MUC6: variants seen among roughly 807,000 people sequenced by gnomAD.
The protein encoded by MUC6 is mucin-6.
Under a neutral mutation model 201.5 loss-of-function variants are expected in MUC6, and 188 were observed. The observed-to-expected ratio is 0.93, with a 90% CI of 0.83 to 1.05. The LOEUF (loss-of-function observed/expected upper bound fraction) is 1.05, where lower values mean the gene tolerates loss of function less well. Ranked by LOEUF, MUC6 falls within the 50% of genes least tolerant of loss-of-function variation. The pLI is 0.00. For missense variants in MUC6, 2,706 were observed against 3,256.9 expected (o/e 0.83, Z 4.12); for synonymous variants, 1,228 against 1,389.4 (o/e 0.88, Z 2.58).
At position 1,029,621 on chromosome 11, in the gene MUC6, G is replaced by A. The variant is rs545048596; in HGVS notation, c.1016-6C>T. On this transcript the variant is annotated splice_region_variant and splice_polypyrimidine_tract_variant and intron_variant, in intron 8 of 32. Transcript: ENST00000421673. ...GAGGTCATTCAGGACCGTACCTGCA[G>A]GAGAGGGTCTTCTTGGGGCTTGGGT... 1.8e-5 allele frequency: 29 copies of A among 1,569,868 alleles called. No individual in the cohort carries two copies. Among genetic ancestry groups the A allele is most frequent in the Middle Eastern group, 1.7e-4 (1 of 5,808 alleles).
In MUC6 at chr11:1,027,784, T is replaced by C; in HGVS notation, c.1882A>G (p.Thr628Ala). The C allele has an allele frequency of 6.2e-7, 1 of 1,611,068 alleles. No individual in the cohort carries two copies. Among genetic ancestry groups the C allele is most frequent in the Non-Finnish European group, 8.5e-7 (1 of 1,179,402 alleles). Residue 628 changes from threonine (T) to alanine (A), a missense_variant, in exon 16 of 33, where the codon ACC becomes GCC. Coordinates refer to ENST00000421673, the MANE Select transcript of MUC6 (RefSeq NM_005961.3). ...AGGGCGGCACAGATGTGGGGAAAGG[T>C]CTCCTCGTAGTTGCAGGCCTGGTAC... ...CVYQACNYEE[T>A]FPHICAALGD...
At chr11:1,031,554 C>G (rs1461237468) in intron 4 of MUC6, 53 bp downstream of exon 4, 4 of 1,532,328 alleles carry the variant, frequency 2.6e-6, no homozygotes, top group East Asian at 4.9e-5. Context: ...CAAGTCCCAC[C>G]TGCCCCCCCG....
intron 5 of MUC6, 49 bp downstream of exon 5, chr11:1,031,120 C>T: frequency 6.7e-6 from 4 of 601,342 alleles, no homozygotes; most frequent in Non-Finnish European, 1.0e-5. Flanking sequence ...CTGCCCTGCC[C>T]CCCACCTAGA....
chr11:1,019,303 T>G lies in MUC6; in HGVS notation c.4002A>C (p.Pro1334=). 1 of 1,614,020 alleles carries G rather than the reference T, an allele frequency of 6.2e-7. No homozygotes were observed. Among genetic ancestry groups the G allele is most frequent in the East Asian group, 2.2e-5 (1 of 44,884 alleles). The change falls in exon 30 of 33, where the codon CCA becomes CCC. Residue 1334 remains proline (P), a synonymous_variant. Transcript: ENST00000421673. ...TTRTTMTLPT[P]ATSGTSPTLP... is the part of the protein sequence containing the mutation. ...GCGTGGGGCTTGTCCCTGATGTGGCTGGGGTTGGTAGTGTCATTGTGGTCC... is the reference window on the plus strand; with the variant it reads ...GCGTGGGGCTTGTCCCTGATGTGGCGGGGGTTGGTAGTGTCATTGTGGTCC...
At chr11:1,015,178 T>C (rs2133811043) in intron 31 of MUC6, among the ~76,000 whole-genome samples, 1 of 151,874 alleles carries the variant, frequency 6.6e-6, no homozygotes, top group South Asian at 2.1e-4. Context: ...AGGCATCCCA[T>C]GGCCTGGGGA....
Position 1,027,464 on chromosome 11 carries a change from G to A in MUC6, c.2035C>T (p.Arg679Cys), listed in dbSNP as rs1233947314. The part of the protein sequence containing the change: ...TFSYNSQACE[R>C]TCLSLSDRAT... The stretch of plus-strand genomic sequence containing the variant: ...CGGTCCGACAGCGACAGGCAGGTGC[G>A]CTCACAGGCTTGGCTGTTGTAGCTG... The change falls in exon 17 of 33, where the codon CGC (arginine) becomes TGC (cysteine). Residue 679 changes from arginine to cysteine, a missense_variant. Physicochemically the swap from Arg to Cys is radical, Grantham distance 180. This residue lies in a region of MUC6 where 1,850 missense variants were observed against 1,958.3 expected (regional missense o/e 0.94). Coordinates refer to ENST00000421673, the MANE Select transcript of MUC6 (RefSeq NM_005961.3). 8 of 1,612,596 alleles carry A rather than the reference G, an allele frequency of 5.0e-6. No homozygotes were observed. Among genetic ancestry groups the A allele is most frequent in the Middle Eastern group, 1.6e-4 (1 of 6,082 alleles).
chr11:1,020,054 C>G (rs1169978234), intron 29 of MUC6, 36 bp downstream of exon 29: 1 of 1,607,298 alleles, frequency 6.2e-7, no homozygotes, highest in South Asian at 1.1e-5. Context: ...CCTCCTGCAG[C>G]TGCCCTCTCC....
intron 4 of MUC6, 50 bp downstream of exon 4, chr11:1,031,556 GC>G (rs962868295): frequency 6.5e-6 from 10 of 1,532,516 alleles, no homozygotes; most frequent in South Asian, 4.8e-5. Context: ...AGTCCCACCT[GC>G]CCCCCCGTGC....
chr11:1,016,124 A>T lies in MUC6; in HGVS notation c.6677T>A (p.Leu2226His). The change falls in exon 31 of 33, where the codon CTC (leucine) becomes CAC (histidine). Residue 2226 changes from leucine to histidine, a missense_variant. Transcript: ENST00000421673. Reference sequence around the variant, plus strand: ...AGACACGGTAACAGTGGATATGGGGAGTAGAGCAGAGAGGGTGAAAGGAGA... The same window carrying T: ...AGACACGGTAACAGTGGATATGGGGTGTAGAGCAGAGAGGGTGAAAGGAGA... ...ISSPFTLSAL[L>H]PISTVTVSPT... 6.2e-7 allele frequency: 1 copy of T among 1,613,458 alleles called. No individual in the cohort carries two copies. The highest frequency in any genetic ancestry group is 8.5e-7 in the Non-Finnish European group (1 of 1,179,758).
In MUC6 at chr11:1,027,312, C is replaced by G. The variant is rs1165139663; in HGVS notation, c.2187G>C (p.Lys729Asn). ...CAGTGGACTGCTCGGCCAGGATGAA[C>G]TTGTAACCCTCCAGTATGCACGGGC... is the stretch of plus-strand genomic sequence containing the variant. Reference protein sequence around the residue: ...AQCPCILEGYKFILAEQSTVI... With the variant: ...AQCPCILEGYNFILAEQSTVI... The change falls in exon 17 of 33, where the codon AAG (lysine) becomes AAC (asparagine). Residue 729 changes from lysine to asparagine, a missense_variant. By Grantham distance (94) the Lys-to-Asn change is moderately conservative. Coordinates refer to ENST00000421673, the MANE Select transcript of MUC6 (RefSeq NM_005961.3). 1 of 1,612,832 alleles carries G rather than the reference C, an allele frequency of 6.2e-7. No individual in the cohort carries two copies. Among genetic ancestry groups the G allele is most frequent in the Non-Finnish European group, 8.5e-7 (1 of 1,179,852 alleles).
Position 1,034,097 on chromosome 11 carries a change from C to A in MUC6, c.53-1022G>T, listed in dbSNP as rs538772792. Among the ~76,000 whole-genome samples the A allele has an allele frequency of 1.4e-4, 21 of 152,314 alleles. No individual in the cohort carries two copies. The East Asian group carries it at 4.1e-3, about 29-fold the overall frequency. On this transcript the variant is annotated intron_variant, in intron 1 of 32. Transcript: ENST00000421673. ...GTCTCCGGTGACGCAGGGGCAGGGGCCTGTCAGCTGGGAGATGGTGTTAAC... is the reference window on the plus strand; with the variant it reads ...GTCTCCGGTGACGCAGGGGCAGGGGACTGTCAGCTGGGAGATGGTGTTAAC...
intron 29 of MUC6, 97 bp from the exon 30 acceptor site, chr11:1,019,593 C>T (rs1590043180): frequency 8.7e-7 from 1 of 1,152,102 alleles, no homozygotes; most frequent in East Asian, 2.3e-5. Flanking sequence ...GATCCCTGGC[C>T]TGCTGTCCGG....
chr11:1,024,740 G>A, intron 24 of MUC6, 104 bp downstream of exon 24: 1 of 1,476,226 alleles, frequency 6.8e-7, no homozygotes, highest in South Asian at 1.3e-5. Flanking sequence ...GCTGGTCTGG[G>A]ATCCCACGGA....
At position 1,028,077 on chromosome 11, in the gene MUC6, G is replaced by C; in HGVS notation, c.1754-18C>G. On this transcript the variant is annotated intron_variant, in intron 14 of 32. Coordinates refer to ENST00000421673, the MANE Select transcript of MUC6 (RefSeq NM_005961.3). ...ACACACCTCTGGGGATGACAGGCCC[G>C]GGCGTGAGTCCCGGCCCCTCCCATT... 2 of 1,558,332 alleles carry C rather than the reference G, an allele frequency of 1.3e-6. No homozygotes were observed. The highest frequency in any genetic ancestry group is 8.7e-7 in the Non-Finnish European group (1 of 1,151,452).
At position 1,016,434 on chromosome 11, in the gene MUC6, T is replaced by G; in HGVS notation, c.6367A>C (p.Thr2123Pro). Reference protein sequence around the residue: ...HLSSATTPVSTTNQLSSSFSP... With the variant: ...HLSSATTPVSPTNQLSSSFSP... ...AATGAGGAGGACAGCTGATTAGTTG[T>G]GGAAACAGGAGTGGTTGCAGAACTC... The change falls in exon 31 of 33, where the codon ACA becomes CCA. Residue 2123 changes from threonine to proline, a missense_variant. This residue lies in a region of MUC6 where 586 missense variants were observed against 488.0 expected (regional missense o/e 1.20). Transcript: ENST00000421673. The G allele has an allele frequency of 6.2e-7, 1 of 1,613,756 alleles. No individual in the cohort carries two copies. Among genetic ancestry groups the G allele is most frequent in the Admixed American group, 1.7e-5 (1 of 59,992 alleles).
Position 1,027,396 on chromosome 11 carries a change from G to A in MUC6, c.2103C>T (p.Cys701=), listed in dbSNP as rs1321005635. The part of the protein sequence containing the change: ...CHHSAVPVDG[C]NCPDGTYLNQ... ...TCAGGTAGGTGCCATCGGGGCAGTT[G>A]CAACCGTCCACGGGCACGGCGCTGT... Residue 701 remains cysteine (C), a synonymous_variant, in exon 17 of 33, where the codon TGC becomes TGT. Coordinates refer to ENST00000421673, the MANE Select transcript of MUC6 (RefSeq NM_005961.3). 2.5e-6 allele frequency: 4 copies of A among 1,612,856 alleles called. No homozygotes were observed. The South Asian group carries it at 4.4e-5, about 18-fold the overall frequency.
chr11:1,013,389 G>T lies in MUC6; in HGVS notation c.*67C>A. The T allele has an allele frequency of 6.9e-7, 1 of 1,452,266 alleles. No homozygotes were observed. Among genetic ancestry groups the T allele is most frequent in the Non-Finnish European group, 9.3e-7 (1 of 1,077,808 alleles). 90.0% of individuals were successfully genotyped at this position (1,452,266 alleles called of 1,614,324 possible). ...AGCTGCTGGCACAAGCGGGAAGGGG[G>T]CTGGTGGGTGTTTTCCTGTCTGTCA... is the stretch of plus-strand genomic sequence containing the variant. On this transcript the variant is annotated 3_prime_UTR_variant, in exon 33 of 33. Coordinates refer to ENST00000421673, the MANE Select transcript of MUC6 (RefSeq NM_005961.3).
At chr11:1,036,473 A>G (rs1486343752) in intron 1 of MUC6, 131 bp downstream of exon 1, 3 of 1,081,006 alleles carry the variant, frequency 2.8e-6, no homozygotes, top group African/African-American at 3.2e-5. Context: ...CACGGAGCCG[A>G]GCTGGGGCCT....
rs928931296 is a variant in MUC6, at chr11:1,036,644, C to T, written c.12G>A (p.Arg4=). The T allele has an allele frequency of 6.5e-7, 1 of 1,547,564 alleles. No individual in the cohort carries two copies. The change falls in exon 1 of 33, where the codon CGG becomes CGA. Residue 4 remains arginine (R), a synonymous_variant. Transcript: ENST00000421673. ...CTCCGCAGCAGGACAGCAGCAGCCA[C>T]CGCTGGACCATGGTGCACAGTGGAG... is the stretch of plus-strand genomic sequence containing the variant. The part of the protein sequence containing the change: MVQ[R]WLLLSCCGAL...
Sources: allele counts gnomAD v4.1 joint callset (sites outside exome capture counted in the v4.1 genomes callset), GRCh38; gene constraint gnomAD v4.1.1; regional missense constraint gnomAD v4.1.1; transcripts MANE v1.5; gene names NCBI Gene and HGNC (gene_info 2026-07-23, HGNC 2026-07-21).